Variants in KIF1B observed in about 807,000 individuals in gnomAD.
The protein encoded by KIF1B is kinesin-like protein KIF1B.
In KIF1B, 76 loss-of-function variants were observed where a neutral mutation model predicts 241.9. That is an observed-to-expected ratio of 0.31 (90% CI 0.26 to 0.38). The LOEUF (loss-of-function observed/expected upper bound fraction) is 0.38. KIF1B is among the 10% of genes least tolerant of loss of function. KIF1B has a pLI of 1.00. For synonymous variants in KIF1B, 750 were observed against 796.7 expected, an observed-to-expected ratio of 0.94 and a Z score of 0.99; for missense variants, 1,622 against 2,271.4, an observed-to-expected ratio of 0.71 and a Z score of 5.81.
At position 10,365,281 on chromosome 1, in the gene KIF1B, C is replaced by G. The variant is rs772095963; in HGVS notation, c.4512+36C>G. ...GCAGGGTTGTTCAGATGCAAGAACT[C>G]TCGGACAAGATTGCCAAAGTATCAG... On this transcript the variant is annotated intron_variant, in intron 42 of 48. Coordinates refer to ENST00000676179, the MANE Select transcript of KIF1B (RefSeq NM_001365951.3). The surrounding 1 kb of genome is among the most constrained non-coding windows in gnomAD (Gnocchi z 4.0). The G allele has an allele frequency of 6.2e-7, 1 of 1,613,596 alleles. No individual in the cohort carries two copies. Among genetic ancestry groups the G allele is most frequent in the Non-Finnish European group, 8.5e-7 (1 of 1,179,734 alleles).
At chr1:10,342,891 G>C (rs1016389211) in intron 33 of KIF1B, among the ~76,000 whole-genome samples, 5 of 152,150 alleles carry the variant, frequency 3.3e-5, no homozygotes, top group Non-Finnish European at 7.3e-5. Context: ...ACCAGCAAGA[G>C]GAATAATAAT....
chr1:10,223,546 G>GTTTTTTTTTTTTT (rs113574017), intron 1 of KIF1B, among the ~76,000 whole-genome samples: 1 of 131,250 alleles, frequency 7.6e-6, no homozygotes, highest in Non-Finnish European at 1.6e-5. Context: ...GTTTTGTTTT[G>GTTTTTTTTTTTTT]TTTTTTTTTT....
At chr1:10,259,729 A>T (rs1648014354) in intron 4 of KIF1B, among the ~76,000 whole-genome samples, 1 of 151,464 alleles carries the variant, frequency 6.6e-6, no homozygotes, top group South Asian at 2.1e-4. Flanking sequence ...GGATCTCCTG[A>T]CCTCAGGCAA....
At chr1:10,312,670 A>G (rs556405374) in intron 22 of KIF1B, among the ~76,000 whole-genome samples, 3 of 151,506 alleles carry the variant, frequency 2.0e-5, no homozygotes, top group East Asian at 3.9e-4. Context: ...TGCTGTTACT[A>G]TGAATTTGAG....
chr1:10,363,002 T>C (rs1638466609), intron 40 of KIF1B, among the ~76,000 whole-genome samples: 2 of 151,562 alleles, frequency 1.3e-5, no homozygotes, highest in African/African-American at 4.9e-5. Context: ...AGTCCAGGAG[T>C]TCGAGGCTGC....
chr1:10,288,137 A>G (rs948037488), intron 15 of KIF1B, among the ~76,000 whole-genome samples: 5 of 152,210 alleles, frequency 3.3e-5, no homozygotes, highest in African/African-American at 4.8e-5. Flanking sequence ...AAGAAAAAAA[A>G]GGAAAAAAGC....
At chr1:10,224,022 T>G (rs750550300) in intron 1 of KIF1B, among the ~76,000 whole-genome samples, 14 of 152,208 alleles carry the variant, frequency 9.2e-5, no homozygotes, top group Non-Finnish European at 1.2e-4. Flanking sequence ...AGGCTGGTCT[T>G]GAACTCCTGA....
At position 10,368,490 on chromosome 1, in the gene KIF1B, T is replaced by G. The variant is rs757529397; in HGVS notation, c.4776T>G (p.Thr1592=). ...AGTGCCTGCAACTTCTCACCCACAC[T>G]TTCAACAGAGAATTCAGCCAGGTGC... ...ATKCLQLLTH[T]FNREFSQVHG... Residue 1592 remains threonine (T), a synonymous_variant, in exon 44 of 49, where the codon ACT becomes ACG. Coordinates refer to ENST00000676179, the MANE Select transcript of KIF1B (RefSeq NM_001365951.3). 1.2e-6 allele frequency: 2 copies of G among 1,614,086 alleles called. No individual in the cohort carries two copies. Among genetic ancestry groups the G allele is most frequent in the South Asian group, 1.1e-5 (1 of 91,072 alleles).
intron 40 of KIF1B, among the ~76,000 whole-genome samples, chr1:10,362,900 A>C (rs11578788): frequency 6.6e-6 from 1 of 151,870 alleles, no homozygotes; most frequent in African/African-American, 2.4e-5. Flanking sequence ...AGGAGACCCT[A>C]TCTCTACAAA....
At chr1:10,320,288 G>C in intron 23 of KIF1B, 152 bp downstream of exon 23, 1 of 634,212 alleles carries the variant, frequency 1.6e-6, no homozygotes, top group Non-Finnish European at 2.9e-6. Flanking sequence ...TGATTGAATA[G>C]ATGTGCAGTG....
chr1:10,226,031 G>T (rs572114598), intron 1 of KIF1B, among the ~76,000 whole-genome samples: 1 of 152,154 alleles, frequency 6.6e-6, no homozygotes, highest in Non-Finnish European at 1.5e-5. Context: ...AGAAAATGGG[G>T]ATATTGTGTA....
rs748913333 is a variant in KIF1B, at chr1:10,289,604, C to T, written c.1435-1478C>T. ...TTGATTAAAATGGATTATATCATGG[C>T]GGGGCACGGTGGCTCACACCTGTAA... On this transcript the variant is annotated intron_variant, in intron 15 of 48. Transcript: ENST00000676179. Among the ~76,000 whole-genome samples, 8 of 152,102 alleles carry T rather than the reference C, an allele frequency of 5.3e-5. No individual in the cohort carries two copies. The East Asian group carries it at 7.7e-4, about 15-fold the overall frequency.
At chr1:10,336,852 G>T in intron 29 of KIF1B, 110 bp downstream of exon 29, 3 of 1,141,960 alleles carry the variant, frequency 2.6e-6, no homozygotes, top group Non-Finnish European at 4.0e-6. Context: ...GGTTGCCACA[G>T]AGTAGTTCAA....
chr1:10,338,761 C>T (rs535567345), intron 31 of KIF1B, among the ~76,000 whole-genome samples: 12 of 152,288 alleles, frequency 7.9e-5, no homozygotes, highest in African/African-American at 2.2e-4. Context: ...TGGCCTGTGC[C>T]GGGAAGGTAT....
At chr1:10,212,915 T>TATATATATATATAC (rs1646715104) in intron 1 of KIF1B, among the ~76,000 whole-genome samples, 4 of 121,684 alleles carry the variant, frequency 3.3e-5, no homozygotes, top group Middle Eastern at 4.0e-3. Context: ...TATATATATA[T>TATATATATATATAC]ATATATATAT....
intron 37 of KIF1B, among the ~76,000 whole-genome samples, chr1:10,351,665 G>A (rs1652797524): frequency 1.3e-5 from 2 of 152,064 alleles, no homozygotes; most frequent in South Asian, 4.1e-4. Context: ...GCAAGAAAGG[G>A]GTGTAATAAA....
At position 10,303,650 on chromosome 1, in the gene KIF1B, A is replaced by G. The variant is rs1227053317; in HGVS notation, c.2115+6404A>G. 6.2e-7 allele frequency: 1 copy of G among 1,614,118 alleles called. No homozygotes were observed. Among genetic ancestry groups the G allele is most frequent in the East Asian group, 2.2e-5 (1 of 44,904 alleles). On this transcript the variant is annotated intron_variant, in intron 22 of 48. Coordinates refer to ENST00000676179, the MANE Select transcript of KIF1B (RefSeq NM_001365951.3). The surrounding 1 kb of genome is among the most constrained non-coding windows in gnomAD (Gnocchi z 5.2). Reference sequence around the variant, plus strand: ...ACTGATGTAGATGACCTCAAGGTTCATATAGACAAGCTGGAAGATATTTTG... The same window carrying G: ...ACTGATGTAGATGACCTCAAGGTTCGTATAGACAAGCTGGAAGATATTTTG...
intron 15 of KIF1B, among the ~76,000 whole-genome samples, chr1:10,288,130 A>G (rs2102242185): frequency 6.6e-6 from 1 of 152,104 alleles, no homozygotes; most frequent in South Asian, 2.1e-4. Flanking sequence ...GGAGGAAAAG[A>G]AAAAAAAGGA....
chr1:10,225,179 T>G (rs577498583), intron 1 of KIF1B, among the ~76,000 whole-genome samples: 11 of 152,170 alleles, frequency 7.2e-5, no homozygotes, highest in African/African-American at 1.4e-4. Flanking sequence ...GGACCCCTCT[T>G]GTAGAGGATT....
Sources: allele counts gnomAD v4.1 joint callset (sites outside exome capture counted in the v4.1 genomes callset), GRCh38; gene constraint gnomAD v4.1.1; non-coding constraint Gnocchi (gnomAD v3.1); transcripts MANE v1.5; gene names NCBI Gene and HGNC (gene_info 2026-07-23, HGNC 2026-07-21).